The following MYH13 variants were observed in gnomAD, a reference collection of about 807,000 sequenced individuals.
MYH13 encodes myosin-13.
MYH13 carries 177 observed loss-of-function variants against 232.1 expected under a neutral mutation model. That is an observed-to-expected ratio of 0.76 (90% CI 0.67 to 0.86). MYH13 has a LOEUF of 0.86. Ranked by LOEUF, MYH13 falls within the 40% of genes least tolerant of loss-of-function variation. The probability of loss-of-function intolerance (pLI) is 0.00; values close to 1 mark genes in which losing one functional copy is unlikely to be tolerated. For synonymous variants in MYH13, 884 were observed against 923.5 expected, an observed-to-expected ratio of 0.96 and a Z score of 0.78; for missense variants, 2,246 against 2,405.9, an observed-to-expected ratio of 0.93 and a Z score of 1.39.
chr17:10,301,666 C>G lies in MYH13; in HGVS notation c.5705G>C (p.Arg1902Thr). The part of the protein sequence containing the change: ...QANTQLSRCR[R>T]VQHELEEAAE... ...GGCCTCCTCTAGCTCATGCTGGACT[C>G]TCCGGCATCTGGACAGCTGCGTGTT... Residue 1902 changes from arginine to threonine, a missense_variant, in exon 40 of 41, where the codon AGA becomes ACA. Physicochemically the swap from Arg to Thr is moderately conservative, Grantham distance 71. Coordinates refer to ENST00000252172, the MANE Select transcript of MYH13 (RefSeq NM_003802.3). 1 of 1,614,106 alleles carries G rather than the reference C, an allele frequency of 6.2e-7. No homozygotes were observed. The highest frequency in any genetic ancestry group is 8.5e-7 in the Non-Finnish European group (1 of 1,180,026).
chr17:10,306,310 A>G lies in MYH13; in HGVS notation c.5466+149T>C, dbSNP rs924105319. On this transcript the variant is annotated intron_variant, in intron 37 of 40. Coordinates refer to ENST00000252172, the MANE Select transcript of MYH13 (RefSeq NM_003802.3). The surrounding 1 kb of genome is among the most constrained non-coding windows in gnomAD (Gnocchi z 4.3). ...CAGGTGAAACAGAAAGAGGTGAGAA[A>G]TGAAGCTCACAGGGAATTTTTCAAG... The G allele has an allele frequency of 1.9e-6, 2 of 1,029,178 alleles. No homozygotes were observed. The highest frequency in any genetic ancestry group is 1.6e-5 in the South Asian group (1 of 64,184). 63.8% of individuals were successfully genotyped at this position (1,029,178 alleles called of 1,614,324 possible).
At chr17:10,358,632 C>T (rs1018503190) in intron 7 of MYH13, among the ~76,000 whole-genome samples, 7 of 152,028 alleles carry the variant, frequency 4.6e-5, no homozygotes, top group African/African-American at 1.7e-4. Flanking sequence ...ATGGTGGTTC[C>T]TGTAGTCTTA....
rs1906210717 is a variant in MYH13, at chr17:10,304,536, C to T, written c.5467-1038G>A. ...CCTGCCCAACTGTTCATTGAACTTA[C>T]AGCAGATCAAGTAACTTGAACTTAC... On this transcript the variant is annotated intron_variant, in intron 37 of 40. Transcript: ENST00000252172. The surrounding 1 kb of genome is among the most constrained non-coding windows in gnomAD (Gnocchi z 5.3). 6.6e-6 allele frequency among the ~76,000 whole-genome samples: 1 copy of T among 152,322 alleles called. No individual in the cohort carries two copies. Among genetic ancestry groups the T allele is most frequent in the East Asian group, 1.9e-4 (1 of 5,168 alleles).
chr17:10,309,212 G>A (rs371302005), intron 35 of MYH13, 22 bp downstream of exon 35: 5 of 1,608,564 alleles, frequency 3.1e-6, no homozygotes, highest in African/African-American at 1.3e-5. Context: ...GACCTTCAGC[G>A]GAGGAGTGAG....
intron 12 of MYH13, among the ~76,000 whole-genome samples, chr17:10,349,086 C>A (rs2071690045): frequency 8.8e-6 from 1 of 113,466 alleles, no homozygotes. Context: ...TTCTCCCCCT[C>A]TCTCTCTCTT....
intron 4 of MYH13, 29 bp downstream of exon 4, chr17:10,362,331 G>T: frequency 6.2e-7 from 1 of 1,614,054 alleles, no homozygotes; most frequent in Non-Finnish European, 8.5e-7. Context: ...AGAGAGACAT[G>T]AAATAAAAAG....
In MYH13 at chr17:10,330,370, G is replaced by C. The variant is rs771134089; in HGVS notation, c.2435+17C>G. The stretch of plus-strand genomic sequence containing the variant: ...GCAGAGAGGGCAGGATAAGGTGGAG[G>C]TGAGGGTCTGTGTCACCTCCTCTCC... On this transcript the variant is annotated intron_variant, in intron 21 of 40. Coordinates refer to ENST00000252172, the MANE Select transcript of MYH13 (RefSeq NM_003802.3). 1 of 1,613,318 alleles carries C rather than the reference G, an allele frequency of 6.2e-7. No individual in the cohort carries two copies. Among genetic ancestry groups the C allele is most frequent in the South Asian group, 1.1e-5 (1 of 90,836 alleles).
At chr17:10,307,865 T>A (rs998698542) in intron 35 of MYH13, among the ~76,000 whole-genome samples, 1 of 152,168 alleles carries the variant, frequency 6.6e-6, no homozygotes, top group African/African-American at 2.4e-5. Flanking sequence ...TAGAAGTATA[T>A]GAAAATTTAG....
chr17:10,359,163 C>G (rs1337134814), intron 7 of MYH13, among the ~76,000 whole-genome samples: 1 of 152,174 alleles, frequency 6.6e-6, no homozygotes, highest in East Asian at 1.9e-4. Context: ...CTTCGGGGTC[C>G]TGGACAGCTC....
At chr17:10,327,790 T>A in intron 22 of MYH13, 76 bp downstream of exon 22, 2 of 1,561,062 alleles carry the variant, frequency 1.3e-6, no homozygotes, top group East Asian at 2.3e-5. Flanking sequence ...AGACACCTGA[T>A]GGCGCCCTCA....
At chr17:10,338,255 C>T (rs544803740) in intron 18 of MYH13, among the ~76,000 whole-genome samples, 11 of 152,128 alleles carry the variant, frequency 7.2e-5, no homozygotes, top group South Asian at 2.1e-4. Flanking sequence ...CCAATGATTT[C>T]GTGTGATTCT....
At chr17:10,361,299 T>TC (rs1269909738) in intron 5 of MYH13, among the ~76,000 whole-genome samples, 1 of 151,858 alleles carries the variant, frequency 6.6e-6, no homozygotes, top group African/African-American at 2.4e-5. Flanking sequence ...ACTCTTTTTT[T>TC]TTTTTTTTTG....
intron 7 of MYH13, 27 bp from the exon 8 acceptor site, chr17:10,357,854 G>C: frequency 6.3e-7 from 1 of 1,597,728 alleles, no homozygotes; most frequent in Non-Finnish European, 8.6e-7. Flanking sequence ...AGAGGAAAAA[G>C]AGGACTTTGG....
intron 16 of MYH13, among the ~76,000 whole-genome samples, chr17:10,343,095 A>T (rs1308238637): frequency 8.7e-5 from 1 of 11,444 alleles, no homozygotes; most frequent in Admixed American, 9.7e-4. Flanking sequence ...TCTCAAAAAA[A>T]AAAAAAAAAA....
intron 22 of MYH13, among the ~76,000 whole-genome samples, chr17:10,325,867 G>C (rs571181312): frequency 6.6e-6 from 1 of 152,108 alleles, no homozygotes; most frequent in Non-Finnish European, 1.5e-5. Context: ...AGAAGAGAGG[G>C]GGTTTCACCA....
At chr17:10,315,632 T>C (rs980815302) in intron 29 of MYH13, 61 bp downstream of exon 29, 21 of 1,436,536 alleles carry the variant, frequency 1.5e-5, no homozygotes, top group Middle Eastern at 3.9e-4. Flanking sequence ...CTGACCAGCT[T>C]CACGGGTGAA....
intron 33 of MYH13, 85 bp downstream of exon 33, chr17:10,311,018 G>T: frequency 6.5e-7 from 1 of 1,542,828 alleles, no homozygotes; most frequent in Non-Finnish European, 8.8e-7. Context: ...CTCCTGGCAG[G>T]AAAGGCCCCA....
Position 10,340,525 on chromosome 17 carries a change from G to GT in MYH13, c.1895-125dup, listed in dbSNP as rs2071613052. ...TTTGACATAAGAGACTTGAGGTTTT[G>GT]TTTGTTTGTTTTAGACGGAGTGTTG... On this transcript the variant is annotated intron_variant, in intron 16 of 40. Transcript: ENST00000252172. 1.4e-5 allele frequency: 10 copies of GT among 721,734 alleles called. No homozygotes were observed. The Admixed American group carries it at 2.6e-4, about 19-fold the overall frequency. 44.7% of individuals were successfully genotyped at this position (721,734 alleles called of 1,614,324 possible).
chr17:10,313,441 T>C (rs1906591679), intron 29 of MYH13, 87 bp from the exon 30 acceptor site: 1 of 1,587,690 alleles, frequency 6.3e-7, no homozygotes, highest in East Asian at 2.2e-5. Flanking sequence ...TTCCCCCAAC[T>C]TGAATTATCC....
Sources: allele counts gnomAD v4.1 joint callset (sites outside exome capture counted in the v4.1 genomes callset), GRCh38; gene constraint gnomAD v4.1.1; non-coding constraint Gnocchi (gnomAD v3.1); transcripts MANE v1.5; gene names NCBI Gene and HGNC (gene_info 2026-07-23, HGNC 2026-07-21).